Variants in SPRING1 observed in about 807,000 individuals in gnomAD.
SPRING1 encodes the protein SREBP regulating gene protein.
Under a neutral mutation model 24.7 loss-of-function variants are expected in SPRING1, and 14 were observed. That is an observed-to-expected ratio of 0.57 (90% confidence interval 0.37 to 0.88). The LOEUF (loss-of-function observed/expected upper bound fraction) is 0.88. SPRING1 is among the 40% of genes least tolerant of loss of function. The pLI, the probability that SPRING1 is intolerant of heterozygous loss-of-function variation, is 0.00. For synonymous variants in SPRING1, 93 were observed against 106.1 expected (o/e 0.88, Z 0.76); for missense variants, 255 against 268.4 (o/e 0.95, Z 0.35).
chr12:116,719,825 G>A lies in SPRING1; in HGVS notation c.472C>T (p.Leu158Phe). 3.7e-6 allele frequency: 6 copies of A among 1,614,228 alleles called. No homozygotes were observed. Among genetic ancestry groups the A allele is most frequent in the Non-Finnish European group, 5.1e-6 (6 of 1,180,038 alleles). The change falls in exon 4 of 5, where the codon CTC (leucine) becomes TTC (phenylalanine). Residue 158 changes from leucine (L) to phenylalanine (F), a missense_variant. By Grantham distance (22) the Leu-to-Phe change is conservative. Coordinates refer to ENST00000261318, the MANE Select transcript of SPRING1 (RefSeq NM_024738.4). ...AAGTGATCTTCGACTGCCATGAAGA[G>A]GTTCTGGAATGCCACGGCTGCCCGG... ...LNRAAVAFQN[L>F]FMAVEDHFEL...
intron 1 of SPRING1, among the ~76,000 whole-genome samples, chr12:116,732,584 G>C (rs763657307): frequency 3.9e-5 from 6 of 152,236 alleles, no homozygotes; most frequent in Non-Finnish European, 8.8e-5. Flanking sequence ...GTGCACGCCT[G>C]TAATCCCAGC....
Position 116,728,224 on chromosome 12 carries a change from CTGTTT to C in SPRING1, c.112-5006_112-5002del, listed in dbSNP as rs1267737567. 2.0e-5 allele frequency among the ~76,000 whole-genome samples: 3 copies of C among 152,154 alleles called. No homozygotes were observed. The highest frequency in any genetic ancestry group is 4.4e-5 in the Non-Finnish European group (3 of 68,036). On this transcript the variant is annotated intron_variant, in intron 1 of 4. Transcript: ENST00000261318. The surrounding 1 kb of genome is among the most constrained non-coding windows in gnomAD (Gnocchi z 4.2). ...CGCCCTGCCACTAGATCATGTCATC[CTGTTT>C]TGTTTTCTTCATAACATACATCATT...
intron 1 of SPRING1, among the ~76,000 whole-genome samples, chr12:116,736,716 A>C (rs747695497): frequency 2.6e-5 from 4 of 152,152 alleles, no homozygotes; most frequent in Non-Finnish European, 5.9e-5. Context: ...CTCAACCTGG[A>C]CTTCTAGACA....
chr12:116,719,051 T>C (rs891529548), intron 4 of SPRING1, among the ~76,000 whole-genome samples: 2 of 152,174 alleles, frequency 1.3e-5, no homozygotes, highest in African/African-American at 4.8e-5. Context: ...AGTAAAATCT[T>C]AGAGACACCA....
Position 116,720,505 on chromosome 12 carries a change from G to T in SPRING1, c.269-58C>A. The T allele has an allele frequency of 6.3e-7, 1 of 1,593,210 alleles. No homozygotes were observed. Among genetic ancestry groups the T allele is most frequent in the Non-Finnish European group, 8.6e-7 (1 of 1,168,752 alleles). On this transcript the variant is annotated intron_variant, in intron 2 of 4. Transcript: ENST00000261318. This position sits in a 1 kb window ranked among gnomAD's most constrained non-coding sequence, Gnocchi z 4.0. ...CAGCAGCCTTGCCACCTCCCTACCA[G>T]GGATGACCATGAAGCAGCAGTGAAA...
chr12:116,734,257 G>A (rs113209554), intron 1 of SPRING1, among the ~76,000 whole-genome samples: 3 of 152,042 alleles, frequency 2.0e-5, no homozygotes, highest in South Asian at 2.1e-4. Flanking sequence ...ACCTTCCATC[G>A]TGTTGCAATC....
rs1870835744 is a variant in SPRING1, at chr12:116,728,852, G to A, written c.112-5629C>T. ...ACGGCCAAGTCAGACGCATGCAGGAGCGCCTCTGCCAGAGCACCCAGGACA... is the reference window on the plus strand; with the variant it reads ...ACGGCCAAGTCAGACGCATGCAGGAACGCCTCTGCCAGAGCACCCAGGACA... On this transcript the variant is annotated intron_variant, in intron 1 of 4. Transcript: ENST00000261318. This position sits in a 1 kb window ranked among gnomAD's most constrained non-coding sequence, Gnocchi z 4.2. Among the ~76,000 whole-genome samples the A allele has an allele frequency of 1.3e-5, 2 of 152,328 alleles. No individual in the cohort carries two copies. The highest frequency in any genetic ancestry group is 4.1e-4 in the South Asian group (2 of 4,834).
intron 1 of SPRING1, among the ~76,000 whole-genome samples, chr12:116,726,402 G>T (rs1023704842): frequency 6.6e-6 from 1 of 152,206 alleles, no homozygotes; most frequent in Non-Finnish European, 1.5e-5. Flanking sequence ...CCCACCAGTA[G>T]CGGATTTTGT....
chr12:116,717,852 C>T lies in SPRING1; in HGVS notation c.576G>A (p.Lys192=). The stretch of plus-strand genomic sequence containing the variant: ...CGGGCGGGCTTTCTCCATAGCAATA[C>T]TTTGCTATGGGGTCCCGGTAGGTGT... ...HENTYRDPIA[K]YCYGESPPEL... is the part of the protein sequence containing the mutation. The change falls in exon 5 of 5, where the codon AAG becomes AAA. Residue 192 remains lysine, a synonymous_variant. Coordinates refer to ENST00000261318, the MANE Select transcript of SPRING1 (RefSeq NM_024738.4). The surrounding 1 kb of genome is among the most constrained non-coding windows in gnomAD (Gnocchi z 4.2). The T allele has an allele frequency of 6.2e-7, 1 of 1,608,726 alleles. No homozygotes were observed. Among genetic ancestry groups the T allele is most frequent in the Non-Finnish European group, 8.5e-7 (1 of 1,177,562 alleles).
At chr12:116,736,676 G>T (rs755530790) in intron 1 of SPRING1, among the ~76,000 whole-genome samples, 2 of 152,162 alleles carry the variant, frequency 1.3e-5, no homozygotes, top group Non-Finnish European at 2.9e-5. Context: ...GCACCCTGGG[G>T]TGTAACCACC....
Position 116,711,565 on chromosome 12 carries a change from CA to C in SPRING1, c.*6244del, listed in dbSNP as rs1869873423. On this transcript the variant is annotated 3_prime_UTR_variant, in exon 5 of 5. Coordinates refer to ENST00000261318, the MANE Select transcript of SPRING1 (RefSeq NM_024738.4). ...AAAAAGAATAGTGAGATGTGACCAACATAGCCTGGAATCTTAAATTACTGAT... is the reference window on the plus strand; with the variant it reads ...AAAAAGAATAGTGAGATGTGACCAACTAGCCTGGAATCTTAAATTACTGAT... 1 of 152,156 alleles carries C rather than the reference CA, an allele frequency of 6.6e-6. No individual in the cohort carries two copies. The highest frequency in any genetic ancestry group is 1.5e-5 in the Non-Finnish European group (1 of 68,038). The allele number at this position is 152,156 out of a possible 1,614,324, so 9.4% of individuals were successfully genotyped here. A position where few individuals can be genotyped will look rare whatever the true frequency, so the allele number is the denominator to read the frequency against.
rs1285003215 is a variant in SPRING1 at position 116,728,449 on chromosome 12, C to T, written c.112-5226G>A. On this transcript the variant is annotated intron_variant, in intron 1 of 4. Transcript: ENST00000261318. This position sits in a 1 kb window ranked among gnomAD's most constrained non-coding sequence, Gnocchi z 4.2. The stretch of plus-strand genomic sequence containing the variant: ...ACCTGGTACCATTCACCATTCCCAA[C>T]CCTCCCCTCAATGGCATCCCCACCA... Among the ~76,000 whole-genome samples the T allele has an allele frequency of 6.6e-6, 1 of 152,138 alleles. No homozygotes were observed. Among genetic ancestry groups the T allele is most frequent in the Non-Finnish European group, 1.5e-5 (1 of 68,030 alleles).
At chr12:116,737,298 A>G (rs1156729839) in intron 1 of SPRING1, among the ~76,000 whole-genome samples, 2 of 152,108 alleles carry the variant, frequency 1.3e-5, no homozygotes, top group Non-Finnish European at 2.9e-5. Flanking sequence ...GAGGTCGGAC[A>G]AACGCGAGGA....
intron 4 of SPRING1, among the ~76,000 whole-genome samples, chr12:116,719,487 A>G (rs1870313220): frequency 6.6e-6 from 1 of 152,226 alleles, no homozygotes; most frequent in South Asian, 2.1e-4. Context: ...CTTAAAAATA[A>G]TTTTAAGCTT....
chr12:116,724,439 G>A (rs1870586752), intron 1 of SPRING1, among the ~76,000 whole-genome samples: 1 of 152,176 alleles, frequency 6.6e-6, no homozygotes, highest in South Asian at 2.1e-4. Flanking sequence ...AAACCTGCCG[G>A]GTGTGGTGGC....
At chr12:116,727,330 G>A (rs1276360128) in intron 1 of SPRING1, among the ~76,000 whole-genome samples, 32 of 152,144 alleles carry the variant, frequency 2.1e-4, no homozygotes, top group Admixed American at 2.1e-3. Context: ...GTCCACATGG[G>A]GTGCACTAGG....
In SPRING1 at chr12:116,720,401, A is replaced by G. The variant is rs756781540; in HGVS notation, c.315T>C (p.Asn105=). ...RKDLLVNGCC[N]VNVPSTKQYC... ...ACTGCTTCGTGCTAGGGACGTTGAC[A>G]TTACAGCAGCCATTTACCAGCAAAT... The change falls in exon 3 of 5, where the codon AAT becomes AAC. Residue 105 remains asparagine, a synonymous_variant. Transcript: ENST00000261318. This position sits in a 1 kb window ranked among gnomAD's most constrained non-coding sequence, Gnocchi z 4.0. The G allele has an allele frequency of 5.6e-6, 9 of 1,614,088 alleles. No individual in the cohort carries two copies. The highest frequency in any genetic ancestry group is 7.6e-6 in the Non-Finnish European group (9 of 1,180,042).
At chr12:116,730,998 G>C (rs1249200606) in intron 1 of SPRING1, among the ~76,000 whole-genome samples, 1 of 152,226 alleles carries the variant, frequency 6.6e-6, no homozygotes, top group Non-Finnish European at 1.5e-5. Flanking sequence ...ATGAAAAAAA[G>C]TGGCTACTTA....
At chr12:116,725,581 T>C (rs1378983482) in intron 1 of SPRING1, among the ~76,000 whole-genome samples, 1 of 152,186 alleles carries the variant, frequency 6.6e-6, no homozygotes, top group Non-Finnish European at 1.5e-5. Flanking sequence ...TGTAGAACTT[T>C]CTATTATACT....
Sources: gnomAD v4.1 joint callset for allele counts (sites outside exome capture counted in the v4.1 genomes callset) on GRCh38, gnomAD v4.1.1 for gene constraint, Gnocchi (gnomAD v3.1) non-coding constraint, MANE v1.5 for transcripts, NCBI Gene and HGNC (gene_info 2026-07-23, HGNC 2026-07-21) for gene names.